Variants in FAM217B observed in about 807,000 individuals in gnomAD.
The protein encoded by FAM217B is family with sequence similarity 217 member B.
For synonymous variants in FAM217B, 163 were observed against 173.0 expected (o/e 0.94, Z 0.45); for missense variants, 463 against 456.9 (o/e 1.01, Z -0.12).
intron 1 of FAM217B, among the ~76,000 whole-genome samples, chr20:59,941,494 A>G (rs544014507): frequency 3.4e-4 from 52 of 152,370 alleles, no homozygotes; most frequent in Admixed American, 4.6e-4. Context: ...TTTATTTTAC[A>G]GAGACAGGTG....
upstream of FAM217B, chr20:59,939,941 G>T (rs932853917): frequency 1.6e-6 from 2 of 1,264,832 alleles, no homozygotes; most frequent in East Asian, 3.1e-5. Context: ...TGGCCCCGCC[G>T]GCCGTCGGAA....
chr20:59,938,877 G>C, upstream of FAM217B: 1 of 655,640 alleles, frequency 1.5e-6, no homozygotes, highest in Non-Finnish European at 2.3e-6. Flanking sequence ...TAGAAGACAG[G>C]ATGGGCCACT....
chr20:59,935,026 T>C (rs542110377), intron 1 of FAM217B, among the ~76,000 whole-genome samples: 1 of 152,350 alleles, frequency 6.6e-6, no homozygotes, highest in Admixed American at 6.5e-5. Flanking sequence ...GGTACACAGG[T>C]GTACGCAGGG....
upstream of FAM217B, chr20:59,940,160 C>G (rs1264928153): frequency 7.5e-6 from 3 of 397,768 alleles, no homozygotes; most frequent in African/African-American, 2.1e-5. Flanking sequence ...GGGAGTTTTT[C>G]TCTAGTGGAA....
chr20:59,944,611 G>A lies in FAM217B; in HGVS notation c.668G>A (p.Arg223Lys). The A allele has an allele frequency of 6.2e-7, 1 of 1,614,054 alleles. No homozygotes were observed. ...GTSGALKSPG[R>K]SKLIASALSK... ...TCAGGGGCACTGAAAAGCCCTGGGA[G>A]AAGTAAGCTAATTGCTAGTGCTCTG... The change falls in exon 4 of 4, where the codon AGA becomes AAA. Residue 223 changes from arginine to lysine, a missense_variant. Coordinates refer to ENST00000360816, the MANE Select transcript of FAM217B (RefSeq NM_022106.3).
At chr20:59,933,822 C>CA (rs2145937261) in exon 1 of FAM217B, 1 of 135,114 alleles carries the variant, frequency 7.4e-6, no homozygotes, top group South Asian at 2.6e-4. Flanking sequence ...CCAAGGGGGA[C>CA]GCTGTGGGCG....
chr20:59,939,393 T>TC (rs1758820443), upstream of FAM217B: 3 of 1,610,686 alleles, frequency 1.9e-6, no homozygotes, highest in Non-Finnish European at 2.5e-6. Context: ...AGTGACACGC[T>TC]CCAGGCACAC....
upstream of FAM217B, chr20:59,939,834 C>G (rs1433814290): frequency 1.6e-6 from 2 of 1,239,096 alleles, no homozygotes; most frequent in Non-Finnish European, 2.0e-6. Flanking sequence ...CAGGGCCACG[C>G]CGCCGTCCAG....
chr20:59,938,454 C>T (rs180740319), upstream of FAM217B: 7 of 152,470 alleles, frequency 4.6e-5, no homozygotes, highest in Admixed American at 3.3e-4. Flanking sequence ...AGGCTACAGC[C>T]GTTGGCAATC....
At position 59,945,231 on chromosome 20, in the gene FAM217B, T is replaced by G. The variant is rs903178231; in HGVS notation, c.*136T>G. 1 of 742,268 alleles carries G rather than the reference T, an allele frequency of 1.3e-6. No individual in the cohort carries two copies. The highest frequency in any genetic ancestry group is 1.8e-5 in the African/African-American group (1 of 56,210). The allele number at this position is 742,268 out of a possible 1,614,324, so 46.0% of individuals were successfully genotyped here. ...TAGTTGACTGGCATTTTTGTCCACC[T>G]TTATTTCTACCCTGAGTGGGGTTAT... On this transcript the variant is annotated 3_prime_UTR_variant, in exon 4 of 4. Coordinates refer to ENST00000360816, the MANE Select transcript of FAM217B (RefSeq NM_022106.3).
intron 3 of FAM217B, among the ~76,000 whole-genome samples, chr20:59,943,738 G>A (rs950910283): frequency 1.3e-5 from 2 of 152,098 alleles, no homozygotes; most frequent in East Asian, 1.9e-4. Context: ...ATTATATAAT[G>A]TATCTCAAAT....
chr20:59,945,184 T>G lies in FAM217B; in HGVS notation c.*89T>G. 8.6e-7 allele frequency: 1 copy of G among 1,164,624 alleles called. No homozygotes were observed. Among genetic ancestry groups the G allele is most frequent in the Non-Finnish European group, 1.2e-6 (1 of 844,340 alleles). The allele number at this position is 1,164,624 out of a possible 1,614,324, so 72.1% of individuals were successfully genotyped here. The stretch of plus-strand genomic sequence containing the variant: ...CAAAATACTGTGAATTTTAAGGAAT[T>G]TTACAAATACTGACATTTAAGTAGT... On this transcript the variant is annotated 3_prime_UTR_variant, in exon 4 of 4. Coordinates refer to ENST00000360816, the MANE Select transcript of FAM217B (RefSeq NM_022106.3).
exon 1 of FAM217B, chr20:59,933,783 A>ACCC (rs2060827944): frequency 1.7e-5 from 1 of 59,912 alleles, no homozygotes; most frequent in South Asian, 5.5e-4. Context: ...ACCCCCGCCA[A>ACCC]CGCTCGCCGG....
chr20:59,935,064 C>T (rs2060850717), intron 1 of FAM217B, among the ~76,000 whole-genome samples: 3 of 152,182 alleles, frequency 2.0e-5, no homozygotes, highest in Admixed American at 2.0e-4. Flanking sequence ...ATGTTCAAAG[C>T]TTTCAATGCT....
upstream of FAM217B, chr20:59,939,549 GGCACGGACGGGTCGTCTCCC>G: frequency 6.2e-7 from 1 of 1,611,760 alleles, no homozygotes; most frequent in East Asian, 2.2e-5. Context: ...CACGTGCAGC[GGCACGGACGGGTCGTCTCCC>G]GCGTTGAACA....
At chr20:59,938,099 T>C (rs546292974), upstream of FAM217B, 1 of 152,328 alleles carries the variant, frequency 6.6e-6, no homozygotes, top group Admixed American at 6.5e-5. Context: ...ATAGTCACCT[T>C]AATCATCAAA....
Position 59,944,845 on chromosome 20 carries a change from C to G in FAM217B, c.902C>G (p.Thr301Arg), listed in dbSNP as rs567799309. The change falls in exon 4 of 4, where the codon ACG (threonine) becomes AGG (arginine). Residue 301 changes from threonine (T) to arginine (R), a missense_variant. By Grantham distance (71) the Thr-to-Arg change is moderately conservative (BLOSUM62 -1). Transcript: ENST00000360816. ...EEKKKKSSKS[T>R]KLQRWDLSGS... ...AAGAAAAAGAAATCAAGTAAGAGTA[C>G]GAAGCTGCAGCGCTGGGATCTGTCC... is the stretch of plus-strand genomic sequence containing the variant. 1 of 1,614,114 alleles carries G rather than the reference C, an allele frequency of 6.2e-7. No homozygotes were observed. The highest frequency in any genetic ancestry group is 2.2e-5 in the East Asian group (1 of 44,876).
chr20:59,938,761 A>G (rs1378934082), upstream of FAM217B: 1 of 309,908 alleles, frequency 3.2e-6, no homozygotes, highest in Non-Finnish European at 5.9e-6. Flanking sequence ...CAGAGGGCCC[A>G]CCCTCCCATG....
chr20:59,941,621 A>T (rs942490368), intron 1 of FAM217B, among the ~76,000 whole-genome samples: 2 of 152,220 alleles, frequency 1.3e-5, no homozygotes, highest in African/African-American at 2.4e-5. Flanking sequence ...TAAAGAGATG[A>T]TATATAATAT....
Sources: gnomAD v4.1 joint callset for allele counts (sites outside exome capture counted in the v4.1 genomes callset) on GRCh38, gnomAD v4.1.1 for gene constraint, MANE v1.5 for transcripts, NCBI Gene and HGNC (gene_info 2026-07-23, HGNC 2026-07-21) for gene names.